Variants in PRKN observed in about 807,000 individuals in gnomAD.
PRKN encodes the protein E3 ubiquitin-protein ligase parkin.
Under a neutral mutation model 59.5 loss-of-function variants are expected in PRKN, and 56 were observed. The observed-to-expected ratio is 0.94, with a 90% confidence interval of 0.76 to 1.18. The LOEUF (loss-of-function observed/expected upper bound fraction) is 1.18. Ranked by LOEUF, PRKN falls within the 50% of genes most tolerant of loss-of-function variation. PRKN has a pLI of 0.00. For missense variants in PRKN, 657 were observed against 596.4 expected (o/e 1.10, Z -1.06); for synonymous variants, 250 against 222.1 (o/e 1.13, Z -1.12).
chr6:162,203,209 G>C (rs1274689379), intron 3 of PRKN, among the ~76,000 whole-genome samples: 2 of 152,140 alleles, frequency 1.3e-5, no homozygotes, highest in African/African-American at 4.8e-5. Context: ...TGAAAGCTAA[G>C]GAACTTTTCC....
At chr6:162,641,364 T>G (rs1264080646) in intron 1 of PRKN, among the ~76,000 whole-genome samples, 1 of 152,046 alleles carries the variant, frequency 6.6e-6, no homozygotes, top group Non-Finnish European at 1.5e-5. Context: ...TTTTTTTTTC[T>G]AAATTTGCAA....
chr6:161,429,517 G>T lies in PRKN; in HGVS notation c.1084-42640C>A, dbSNP rs1465028664. On this transcript the variant is annotated intron_variant, in intron 9 of 11. Coordinates refer to ENST00000366898, the MANE Select transcript of PRKN (RefSeq NM_004562.3). This position sits in a 1 kb window ranked among gnomAD's most constrained non-coding sequence, Gnocchi z 4.2. ...GAGACCTTGCAATGGCTAGGATGTT[G>T]CTAGAAGAAGGAAATGGAAGCAAGT... Among the ~76,000 whole-genome samples the T allele has an allele frequency of 6.6e-6, 1 of 152,170 alleles. No individual in the cohort carries two copies. Among genetic ancestry groups the T allele is most frequent in the African/African-American group, 2.4e-5 (1 of 41,424 alleles).
chr6:162,564,325 T>C (rs904432362), intron 1 of PRKN, among the ~76,000 whole-genome samples: 21 of 150,774 alleles, frequency 1.4e-4, no homozygotes, highest in Admixed American at 1.3e-3. Flanking sequence ...AGCCTGGCAA[T>C]AGAGCAAGAC....
At position 161,757,878 on chromosome 6, in the gene PRKN, T is replaced by TACAC. The variant is rs1172982499; in HGVS notation, c.871+27893_871+27894insGTGT. ...CTCTCTCTCTCTCTCTCTCTGTGTATATATATATACACACACACACACACA... is the reference window on the plus strand; with the variant it reads ...CTCTCTCTCTCTCTCTCTCTGTGTATACACATATATATACACACACACACACACA... On this transcript the variant is annotated intron_variant, in intron 7 of 11. Transcript: ENST00000366898. Among the ~76,000 whole-genome samples the TACAC allele has an allele frequency of 6.3e-5, 6 of 94,696 alleles. 1 individual carries two copies. Among genetic ancestry groups the TACAC allele is most frequent in the African/African-American group, 3.0e-4 (6 of 20,130 alleles). 62.1% of individuals were successfully genotyped at this position (94,696 alleles called of 152,430 possible). A position where few individuals can be genotyped will look rare whatever the true frequency, so the allele number is the denominator to read the frequency against.
At chr6:162,106,735 A>C (rs1780207977) in intron 4 of PRKN, among the ~76,000 whole-genome samples, 1 of 152,162 alleles carries the variant, frequency 6.6e-6, no homozygotes, top group Non-Finnish European at 1.5e-5. Context: ...CCATGCCTCT[A>C]ACCAATACCT....
chr6:161,517,023 G>A (rs999239436), intron 9 of PRKN, among the ~76,000 whole-genome samples: 1 of 152,054 alleles, frequency 6.6e-6, no homozygotes, highest in African/African-American at 2.4e-5. Context: ...TAAAAATATA[G>A]TATTATAGAG....
chr6:162,687,818 T>G (rs1314326097), intron 1 of PRKN, among the ~76,000 whole-genome samples: 1 of 152,162 alleles, frequency 6.6e-6, no homozygotes, highest in Non-Finnish European at 1.5e-5. Flanking sequence ...AGCCCACAAA[T>G]GCAATTTGAT....
chr6:162,583,811 C>A (rs763049966), intron 1 of PRKN, among the ~76,000 whole-genome samples: 5 of 152,142 alleles, frequency 3.3e-5, no homozygotes, highest in Non-Finnish European at 7.4e-5. Context: ...AATAAAACAA[C>A]CCTCAGAAAA....
At position 161,831,947 on chromosome 6, in the gene PRKN, T is replaced by C. The variant is rs189921836; in HGVS notation, c.735-46039A>G. On this transcript the variant is annotated intron_variant, in intron 6 of 11. Coordinates refer to ENST00000366898, the MANE Select transcript of PRKN (RefSeq NM_004562.3). Reference sequence around the variant, plus strand: ...ATGACTGGGGAGCCACAAGGGCCTCTTGGGACTCCCTCAGGAAGGCCCCCA... The same window carrying C: ...ATGACTGGGGAGCCACAAGGGCCTCCTGGGACTCCCTCAGGAAGGCCCCCA... 2.8e-3 allele frequency among the ~76,000 whole-genome samples: 431 copies of C among 152,326 alleles called. 1 individual carries two copies. Among genetic ancestry groups the C allele is most frequent in the African/African-American group, 9.9e-3 (411 of 41,580 alleles).
At position 161,734,174 on chromosome 6, in the gene PRKN, C is replaced by T. The variant is rs193248137; in HGVS notation, c.871+51598G>A. On this transcript the variant is annotated intron_variant, in intron 7 of 11. Transcript: ENST00000366898. ...TGTTAATTTATAAAGTACTGTACCT[C>T]GGTTTTCCTGCAAATTTTAAAGCAA... is the stretch of plus-strand genomic sequence containing the variant. Among the ~76,000 whole-genome samples, 15 of 152,206 alleles carry T rather than the reference C, an allele frequency of 9.9e-5. No individual in the cohort carries two copies. The East Asian group carries it at 1.7e-3, about 18-fold the overall frequency.
rs1221101719 is a variant in PRKN, at chr6:161,566,494, C to T, written c.933+2861G>A. ...CGATATTGGCTCACTGCAACCTCCG[C>T]CTCCCAGGCTCAAGCAATTCTCCTG... is the stretch of plus-strand genomic sequence containing the variant. On this transcript the variant is annotated intron_variant, in intron 8 of 11. Transcript: ENST00000366898. This position sits in a 1 kb window ranked among gnomAD's most constrained non-coding sequence, Gnocchi z 4.1. Among the ~76,000 whole-genome samples the T allele has an allele frequency of 1.3e-5, 2 of 152,174 alleles. No homozygotes were observed. The highest frequency in any genetic ancestry group is 3.9e-4 in the East Asian group (2 of 5,168).
chr6:161,460,307 C>A lies in PRKN; in HGVS notation c.1084-73430G>T, dbSNP rs1790145324. 6.6e-6 allele frequency among the ~76,000 whole-genome samples: 1 copy of A among 152,128 alleles called. No homozygotes were observed. Among genetic ancestry groups the A allele is most frequent in the Admixed American group, 6.5e-5 (1 of 15,276 alleles). ...AGAGGAGAGTGCCTTTGACCAAGAT[C>A]TTGAAAAGTGGGTTAGATATTGCTT... On this transcript the variant is annotated intron_variant, in intron 9 of 11. Coordinates refer to ENST00000366898, the MANE Select transcript of PRKN (RefSeq NM_004562.3). The surrounding 1 kb of genome is among the most constrained non-coding windows in gnomAD (Gnocchi z 5.0).
intron 2 of PRKN, among the ~76,000 whole-genome samples, chr6:162,282,994 C>CT (rs753282460): frequency 0.033 from 4,726 of 144,776 alleles, 78 homozygotes; most frequent in South Asian, 0.072. Context: ...TTCTCTCTCT[C>CT]TTTTTTTTTT....
intron 2 of PRKN, among the ~76,000 whole-genome samples, chr6:162,432,097 A>G (rs1019972434): frequency 3.3e-5 from 5 of 152,192 alleles, no homozygotes; most frequent in African/African-American, 4.8e-5. Context: ...TGAATAACCA[A>G]TGTATAATTG....
rs535719936 is a variant in PRKN at position 162,654,666 on chromosome 6, T to C, written c.7+72996A>G. Among the ~76,000 whole-genome samples, 3 of 152,330 alleles carry C rather than the reference T, an allele frequency of 2.0e-5. No homozygotes were observed. In the East Asian group the frequency reaches 5.8e-4, roughly 29 times the overall value. On this transcript the variant is annotated intron_variant, in intron 1 of 11. Transcript: ENST00000366898. The stretch of plus-strand genomic sequence containing the variant: ...TTTAATGTTTACTGTATTAGTCCAT[T>C]CTCATGCTGCCAGTGGAGACATACC...
intron 7 of PRKN, among the ~76,000 whole-genome samples, chr6:161,673,546 C>T (rs1784983648): frequency 6.6e-6 from 1 of 152,176 alleles, no homozygotes; most frequent in Non-Finnish European, 1.5e-5. Context: ...TCCAAGGGAG[C>T]TGAGAAGCCA....
chr6:161,694,910 G>A (rs913059418), intron 7 of PRKN, among the ~76,000 whole-genome samples: 2 of 152,074 alleles, frequency 1.3e-5, no homozygotes, highest in Admixed American at 6.6e-5. Context: ...CACTCACTGC[G>A]GGATCAGAAT....
intron 1 of PRKN, among the ~76,000 whole-genome samples, chr6:162,502,388 T>C (rs551540534): frequency 3.2e-4 from 49 of 152,236 alleles, no homozygotes; most frequent in African/African-American, 1.1e-3. Context: ...CTGAAACTCC[T>C]GGGCTCAGGC....
At chr6:162,349,971 T>C (rs1025644348) in intron 2 of PRKN, among the ~76,000 whole-genome samples, 7 of 152,224 alleles carry the variant, frequency 4.6e-5, no homozygotes, top group Non-Finnish European at 8.8e-5. Context: ...TGGGAACTCC[T>C]ACCAGAAGTA....
Sources: gnomAD v4.1 joint callset for allele counts (sites outside exome capture counted in the v4.1 genomes callset) on GRCh38, gnomAD v4.1.1 for gene constraint, Gnocchi (gnomAD v3.1) non-coding constraint, MANE v1.5 for transcripts, NCBI Gene and HGNC (gene_info 2026-07-23, HGNC 2026-07-21) for gene names.